STK33: variants seen among roughly 807,000 people sequenced by gnomAD.
The protein encoded by STK33 is serine/threonine kinase 33.
A neutral mutation model predicts 58.0 loss-of-function variants in STK33; 52 were observed. The ratio of observed to expected loss-of-function variants is 0.90; its 90% CI spans 0.72 to 1.13. The LOEUF is 1.13. STK33 is among the 50% of genes most tolerant of loss of function. STK33 has a pLI of 0.00. For missense variants in STK33, 630 were observed against 604.2 expected, an observed-to-expected ratio of 1.04 and a Z score of -0.45; for synonymous variants, 215 against 200.1, an observed-to-expected ratio of 1.07 and a Z score of -0.63.
chr11:8,437,591 T>C (rs763340368), intron 12 of STK33, among the ~76,000 whole-genome samples: 24 of 152,258 alleles, frequency 1.6e-4, no homozygotes, highest in Non-Finnish European at 3.1e-4. Flanking sequence ...GTCTACACTG[T>C]ACATAAGTAT....
chr11:8,371,683 CTTCTT>C, the STK33 span, among the ~76,000 whole-genome samples: 2 of 147,036 alleles, frequency 1.4e-5, no homozygotes, highest in Non-Finnish European at 3.0e-5. Context: ...CTCCCTCTTT[CTTCTT>C]TTCTTTCCCC....
chr11:8,357,092 T>A, the STK33 span, among the ~76,000 whole-genome samples: 1 of 152,166 alleles, frequency 6.6e-6, no homozygotes. Flanking sequence ...TCTTCCCTCC[T>A]CCCGGCAGGG....
downstream of STK33, among the ~76,000 whole-genome samples, chr11:8,388,526 G>A (rs751655051): frequency 1.3e-5 from 2 of 152,226 alleles, no homozygotes; most frequent in Non-Finnish European, 2.9e-5. Context: ...ACAACTGAAC[G>A]ATGTGAGACC....
At chr11:8,414,755 C>A (rs1348490750) in intron 14 of STK33, among the ~76,000 whole-genome samples, 1 of 152,108 alleles carries the variant, frequency 6.6e-6, no homozygotes, top group African/African-American at 2.4e-5. Flanking sequence ...GTACTCCTAC[C>A]ACGTTCATAA....
At chr11:8,410,284 G>A (rs1159913981) in intron 15 of STK33, among the ~76,000 whole-genome samples, 5 of 151,778 alleles carry the variant, frequency 3.3e-5, no homozygotes, top group Admixed American at 6.6e-5. Context: ...AATGTTTTAC[G>A]AACACATACC....
Position 8,413,526 on chromosome 11 carries a change from T to A in STK33, c.1313A>T (p.Asn438Ile). ...TTCCTCCTCTTCATCTGAAGTGTAATTGGCATCAGGGACATTTCCCCAGGG... is the reference window on the plus strand; with the variant it reads ...TTCCTCCTCTTCATCTGAAGTGTAAATGGCATCAGGGACATTTCCCCAGGG... ...YQPWGNVPDA[N>I]YTSDEEEEKQ... The change falls in exon 15 of 16, where the codon AAT (asparagine) becomes ATT (isoleucine). Residue 438 changes from asparagine (N) to isoleucine (I), a missense_variant. Transcript: ENST00000687296. 6.2e-7 allele frequency: 1 copy of A among 1,614,030 alleles called. No homozygotes were observed. The highest frequency in any genetic ancestry group is 8.5e-7 in the Non-Finnish European group (1 of 1,179,936).
At position 8,481,896 on chromosome 11, in the gene STK33, C is replaced by A. The variant is rs373730202; in HGVS notation, c.-465-1282G>T. ...CTCCCCAACATCTATAGGCATTGGT[C>A]ATAATAAACATTATTATTAATATCT... On this transcript the variant is annotated intron_variant, in intron 1 of 15. Transcript: ENST00000687296. Among the ~76,000 whole-genome samples, 4 of 152,266 alleles carry A rather than the reference C, an allele frequency of 2.6e-5. No individual in the cohort carries two copies. The South Asian group carries it at 8.3e-4, about 32-fold the overall frequency.
chr11:8,417,112 T>A (rs1449625876), intron 14 of STK33, among the ~76,000 whole-genome samples: 1 of 152,114 alleles, frequency 6.6e-6, no homozygotes, highest in Admixed American at 6.6e-5. Context: ...CACCTCACCA[T>A]CAGAACACTA....
intron 1 of STK33, among the ~76,000 whole-genome samples, chr11:8,498,503 C>A (rs545255747): frequency 4.1e-4 from 62 of 152,178 alleles, no homozygotes; most frequent in Admixed American, 1.0e-3. Flanking sequence ...CATGAAAGAG[C>A]CATACTGCCC....
intron 1 of STK33, among the ~76,000 whole-genome samples, chr11:8,534,297 T>G (rs1954788859): frequency 6.6e-6 from 1 of 151,756 alleles, no homozygotes; most frequent in South Asian, 2.1e-4. Flanking sequence ...AAATTGTTTA[T>G]ACGTGCATTT....
the STK33 span, among the ~76,000 whole-genome samples, chr11:8,383,281 G>C: frequency 6.6e-6 from 1 of 152,342 alleles, no homozygotes; most frequent in African/African-American, 2.4e-5. Flanking sequence ...AACCCAAGGG[G>C]CTGGATGTGG....
chr11:8,363,032 TGGGCTCCAGGGTGGAGCAG>T, the STK33 span, among the ~76,000 whole-genome samples: 1 of 152,248 alleles, frequency 6.6e-6, no homozygotes, highest in South Asian at 2.1e-4. Context: ...TGGGTGAGCT[TGGGCTCCAGGGTGGAGCAG>T]GTGCCCCTTG....
intron 1 of STK33, among the ~76,000 whole-genome samples, chr11:8,533,754 T>G (rs995111613): frequency 1.3e-5 from 2 of 152,152 alleles, no homozygotes; most frequent in Non-Finnish European, 2.9e-5. Flanking sequence ...TAAAATAAAG[T>G]TTTATTTGTT....
At chr11:8,406,008 T>C (rs995269900) in intron 15 of STK33, among the ~76,000 whole-genome samples, 5 of 151,986 alleles carry the variant, frequency 3.3e-5, no homozygotes, top group Non-Finnish European at 7.4e-5. Context: ...CCGGGCATGG[T>C]GGCGGGTGCC....
intron 14 of STK33, among the ~76,000 whole-genome samples, chr11:8,417,652 C>A (rs1941321048): frequency 6.6e-6 from 1 of 152,004 alleles, no homozygotes; most frequent in Non-Finnish European, 1.5e-5. Flanking sequence ...TTGTAAAGTT[C>A]CTAGGAGTAA....
the STK33 span, among the ~76,000 whole-genome samples, chr11:8,374,207 C>T: frequency 1.3e-5 from 2 of 152,162 alleles, no homozygotes; most frequent in Non-Finnish European, 2.9e-5. Flanking sequence ...CTCTCACCTG[C>T]CCCAGGGTCC....
rs1946634368 is a variant in STK33 at position 8,454,645 on chromosome 11, C to T, written c.786+99G>A. ...GCACAAGCCACTTATTTTCTGGCTG[C>T]TCAAAAGCTAGCAACATGTGTCTAA... On this transcript the variant is annotated intron_variant, in intron 10 of 15. Coordinates refer to ENST00000687296, the MANE Select transcript of STK33 (RefSeq NM_001352389.2). 6.6e-6 allele frequency: 9 copies of T among 1,368,110 alleles called. No homozygotes were observed. In the South Asian group the frequency reaches 1.0e-4, roughly 16 times the overall value. The allele number at this position is 1,368,110 out of a possible 1,614,324, so 84.7% of individuals were successfully genotyped here.
At chr11:8,445,436 G>C (rs1005563139) in intron 11 of STK33, among the ~76,000 whole-genome samples, 9 of 152,214 alleles carry the variant, frequency 5.9e-5, no homozygotes, top group African/African-American at 2.2e-4. Context: ...AGTGGTGAGA[G>C]AGGGCATCCT....
At chr11:8,553,174 ATATATATATATATATATATATATGGTG>A (rs1326439178) in intron 1 of STK33, among the ~76,000 whole-genome samples, 1,355 of 67,534 alleles carry the variant, frequency 0.02, 36 homozygotes, top group African/African-American at 0.053. Context: ...TAAAATATAT[ATATATATATATATATATATATATGGTG>A]TATATATATA....
Sources: gnomAD v4.1 joint callset for allele counts (sites outside exome capture counted in the v4.1 genomes callset) on GRCh38, gnomAD v4.1.1 for gene constraint, MANE v1.5 for transcripts, NCBI Gene and HGNC (gene_info 2026-07-23, HGNC 2026-07-21) for gene names.